Variants in SAMD4A observed in about 807,000 individuals in gnomAD.
SAMD4A encodes protein Smaug homolog 1.
A neutral mutation model predicts 81.3 loss-of-function variants in SAMD4A; 33 were observed. The observed-to-expected ratio is 0.41, with a 90% CI of 0.31 to 0.54. The LOEUF is 0.54. Among genes scored for constraint, SAMD4A ranks in the 20% least tolerant of loss-of-function variants. The pLI, the probability that SAMD4A is intolerant of heterozygous loss-of-function variation, is 0.37. For missense variants in SAMD4A, 854 were observed against 951.1 expected (o/e 0.90, Z 1.34); for synonymous variants, 389 against 382.1 (o/e 1.02, Z -0.21).
At chr14:54,751,187 T>C (rs2038093556) in intron 5 of SAMD4A, among the ~76,000 whole-genome samples, 1 of 151,958 alleles carries the variant, frequency 6.6e-6, no homozygotes, top group Non-Finnish European at 1.5e-5. Flanking sequence ...GCCCAGGAGG[T>C]CAAGGCTGCA....
At chr14:54,627,736 T>G (rs1275595585) in intron 2 of SAMD4A, among the ~76,000 whole-genome samples, 1 of 152,236 alleles carries the variant, frequency 6.6e-6, no homozygotes, top group Non-Finnish European at 1.5e-5. Flanking sequence ...GCCGAAGCTT[T>G]ATCTGTGTCT....
chr14:54,645,795 CCTCT>C, intron 2 of SAMD4A, among the ~76,000 whole-genome samples: 1 of 152,244 alleles, frequency 6.6e-6, no homozygotes. Context: ...TCTCTGTTTC[CCTCT>C]GAGTTTTGAC....
intron 2 of SAMD4A, among the ~76,000 whole-genome samples, chr14:54,652,077 G>A (rs2025130): frequency 0.53 from 81,287 of 152,118 alleles, 22,152 homozygotes; most frequent in East Asian, 0.81. Flanking sequence ...TTGCACTTCT[G>A]CCCTTTATCT....
intron 2 of SAMD4A, chr14:54,685,922 A>C (rs117785049): frequency 2.2e-6 from 1 of 452,174 alleles, no homozygotes. Flanking sequence ...TCTACCAGTC[A>C]GGAGAGGTTA....
chr14:54,682,375 C>T (rs2140579644), intron 2 of SAMD4A, among the ~76,000 whole-genome samples: 1 of 152,288 alleles, frequency 6.6e-6, no homozygotes, highest in African/African-American at 2.4e-5. Context: ...GAATAATAAG[C>T]AGGTTTCCCT....
At chr14:54,669,384 C>T (rs1001379625) in intron 2 of SAMD4A, among the ~76,000 whole-genome samples, 3 of 150,936 alleles carry the variant, frequency 2.0e-5, no homozygotes, top group African/African-American at 7.3e-5. Flanking sequence ...TCAAGTTTGG[C>T]TGAAACAAGC....
chr14:54,568,739 AT>A (rs1225583565), intron 2 of SAMD4A, among the ~76,000 whole-genome samples: 8 of 100,994 alleles, frequency 7.9e-5, no homozygotes, highest in Admixed American at 1.2e-4. Context: ...ATATATATAT[AT>A]AATGCGGTTA....
chr14:54,567,801 C>T lies in SAMD4A; in HGVS notation c.-116C>T. 8.8e-7 allele frequency: 1 copy of T among 1,140,138 alleles called. No homozygotes were observed. The highest frequency in any genetic ancestry group is 1.2e-6 in the Non-Finnish European group (1 of 811,634). The allele number at this position is 1,140,138 out of a possible 1,614,324, so 70.6% of individuals were successfully genotyped here. A position where few individuals can be genotyped will look rare whatever the true frequency, so the allele number is the denominator to read the frequency against. Reference sequence around the variant, plus strand: ...CTGCAGCGTCCGGGCACCAGAGCCACCTTGGAACAGGAACGCGTCTCCGGC... The same window carrying T: ...CTGCAGCGTCCGGGCACCAGAGCCATCTTGGAACAGGAACGCGTCTCCGGC... On this transcript the variant is annotated 5_prime_UTR_variant, in exon 2 of 13. Transcript: ENST00000554335.
chr14:54,582,992 G>A (rs1193811434), intron 2 of SAMD4A, among the ~76,000 whole-genome samples: 2 of 152,060 alleles, frequency 1.3e-5, no homozygotes, highest in Non-Finnish European at 2.9e-5. Flanking sequence ...TCACCAGGCT[G>A]GAGTGCAGTG....
chr14:54,565,432 G>C (rs1017669478), upstream of SAMD4A, among the ~76,000 whole-genome samples: 6 of 152,226 alleles, frequency 3.9e-5, no homozygotes, highest in Non-Finnish European at 8.8e-5. This position sits in a 1 kb window ranked among gnomAD's most constrained non-coding sequence, Gnocchi z 5.4. Flanking sequence ...AGGAGCCTGC[G>C]CCAGAGCAAA....
chr14:54,756,090 C>T (rs180892251), intron 6 of SAMD4A, among the ~76,000 whole-genome samples: 188 of 152,250 alleles, frequency 1.2e-3, no homozygotes, highest in Admixed American at 3.1e-3. Context: ...GCAGAGAAAC[C>T]GCAGATAAAC....
intron 3 of SAMD4A, among the ~76,000 whole-genome samples, chr14:54,706,734 A>C (rs1287034664): frequency 6.6e-6 from 1 of 152,090 alleles, no homozygotes; most frequent in Non-Finnish European, 1.5e-5. Flanking sequence ...CCTGGGTAGG[A>C]ATACGCACTG....
intron 3 of SAMD4A, among the ~76,000 whole-genome samples, chr14:54,721,431 G>A (rs11848381): frequency 0.16 from 24,678 of 152,182 alleles, 2,114 homozygotes; most frequent in African/African-American, 0.21. Context: ...TTGATTTTAA[G>A]TGGGGATAAA....
At chr14:54,614,584 T>C (rs1233783363) in intron 2 of SAMD4A, among the ~76,000 whole-genome samples, 1 of 152,224 alleles carries the variant, frequency 6.6e-6, no homozygotes, top group Non-Finnish European at 1.5e-5. Flanking sequence ...GTCGGCACCT[T>C]TCCCTCCTCT....
intron 2 of SAMD4A, among the ~76,000 whole-genome samples, chr14:54,621,853 C>T (rs2358881): frequency 0.025 from 3,838 of 152,230 alleles, 155 homozygotes; most frequent in African/African-American, 0.088. Context: ...TTCAACTAGA[C>T]TCATATCTGT....
Position 54,567,678 on chromosome 14 carries a change from T to A in SAMD4A, c.-239T>A. 275 of 373,178 alleles carry A rather than the reference T, an allele frequency of 7.4e-4. No individual in the cohort carries two copies. The highest frequency in any genetic ancestry group is 1.0e-3 in the Non-Finnish European group (206 of 202,538). The allele number at this position is 373,178 out of a possible 1,614,324, so 23.1% of individuals were successfully genotyped here. A position where few individuals can be genotyped will look rare whatever the true frequency, so the allele number is the denominator to read the frequency against. The stretch of plus-strand genomic sequence containing the variant: ...AGTCGTTTTTTTTTTTAAAGAAACA[T>A]TTCCGTGCTACTGTCTGTCATCGTC... On this transcript the variant is annotated 5_prime_UTR_variant, in exon 2 of 13. Coordinates refer to ENST00000554335, the MANE Select transcript of SAMD4A (RefSeq NM_015589.6).
At chr14:54,741,797 A>C (rs1224308699) in intron 4 of SAMD4A, among the ~76,000 whole-genome samples, 1 of 152,186 alleles carries the variant, frequency 6.6e-6, no homozygotes, top group Admixed American at 6.5e-5. Context: ...AAGTGAAGGA[A>C]GGGCATTCTA....
In SAMD4A at chr14:54,792,104, C is replaced by G. The variant is rs2039268218; in HGVS notation, c.*3160C>G. 6.6e-6 allele frequency: 1 copy of G among 152,226 alleles called. No individual in the cohort carries two copies. Among genetic ancestry groups the G allele is most frequent in the Admixed American group, 6.5e-5 (1 of 15,292 alleles). 9.4% of individuals were successfully genotyped at this position (152,226 alleles called of 1,614,324 possible). A position where few individuals can be genotyped will look rare whatever the true frequency, so the allele number is the denominator to read the frequency against. On this transcript the variant is annotated 3_prime_UTR_variant, in exon 13 of 13. Transcript: ENST00000554335. ...TCTTACCAGAAACAGTAGGAAGAAACACATGAACTGTGTACAAGACATGAA... is the reference window on the plus strand; with the variant it reads ...TCTTACCAGAAACAGTAGGAAGAAAGACATGAACTGTGTACAAGACATGAA...
chr14:54,596,154 AG>A (rs2033904959), intron 2 of SAMD4A, among the ~76,000 whole-genome samples: 1 of 152,158 alleles, frequency 6.6e-6, no homozygotes, highest in South Asian at 2.1e-4. Flanking sequence ...GTATTCTCAA[AG>A]GAGGTAATTG....
Sources: gnomAD v4.1 joint callset for allele counts (sites outside exome capture counted in the v4.1 genomes callset) on GRCh38, gnomAD v4.1.1 for gene constraint, Gnocchi (gnomAD v3.1) non-coding constraint, MANE v1.5 for transcripts, NCBI Gene and HGNC (gene_info 2026-07-23, HGNC 2026-07-21) for gene names.